Variants in CDC14B observed in about 807,000 individuals in gnomAD.
The protein encoded by CDC14B is dual specificity protein phosphatase CDC14B.
A neutral mutation model predicts 64.2 loss-of-function variants in CDC14B; 22 were observed. The observed-to-expected ratio is 0.34, with a 90% CI of 0.24 to 0.49. The LOEUF (loss-of-function observed/expected upper bound fraction) is 0.49. CDC14B is among the 20% of genes least tolerant of loss of function. The pLI, the probability that CDC14B is intolerant of heterozygous loss-of-function variation, is 0.99. For missense variants in CDC14B, 498 were observed against 629.9 expected, an observed-to-expected ratio of 0.79 and a Z score of 2.24; for synonymous variants, 191 against 215.8, an observed-to-expected ratio of 0.89 and a Z score of 1.01.
chr9:96,512,414 G>A (rs964253583), intron 12 of CDC14B, among the ~76,000 whole-genome samples: 4 of 150,714 alleles, frequency 2.7e-5, no homozygotes, highest in Non-Finnish European at 5.9e-5. Flanking sequence ...TCAAATCCTG[G>A]GCTCAATTGA....
chr9:96,528,521 C>CA (rs573870920), intron 9 of CDC14B, among the ~76,000 whole-genome samples: 9,489 of 148,318 alleles, frequency 0.064, 953 homozygotes, highest in African/African-American at 0.22. Context: ...AAGTCCATCT[C>CA]AAAAAAAAGA....
intron 4 of CDC14B, among the ~76,000 whole-genome samples, chr9:96,554,346 A>C (rs1384619080): frequency 6.6e-6 from 1 of 152,082 alleles, no homozygotes; most frequent in Admixed American, 6.6e-5. Context: ...AATTATACAA[A>C]TTTTTCCTTA....
In CDC14B at chr9:96,584,200, A is replaced by G. The variant is rs1410807372; in HGVS notation, c.161-18717T>C. On this transcript the variant is annotated intron_variant, in intron 1 of 13. Coordinates refer to ENST00000375241, the MANE Select transcript of CDC14B (RefSeq NM_033331.4). ...CTAATAAATATGCATTGAATGAACG[A>G]CTGTTGAGTGGCAGACTTTTTCATC... Among the ~76,000 whole-genome samples the G allele has an allele frequency of 5.3e-5, 8 of 152,220 alleles. No individual in the cohort carries two copies. The South Asian group carries it at 1.7e-3, about 32-fold the overall frequency.
intron 1 of CDC14B, among the ~76,000 whole-genome samples, chr9:96,580,650 C>T (rs1186936370): frequency 6.6e-6 from 1 of 152,096 alleles, no homozygotes; most frequent in Non-Finnish European, 1.5e-5. Flanking sequence ...CTATTGAAAT[C>T]GACCCGAGAG....
intron 1 of CDC14B, among the ~76,000 whole-genome samples, chr9:96,578,782 G>C (rs939342927): frequency 2.0e-5 from 3 of 152,154 alleles, no homozygotes; most frequent in African/African-American, 7.2e-5. Context: ...TCCCAATAAA[G>C]TCTGCAGTAT....
intron 12 of CDC14B, among the ~76,000 whole-genome samples, chr9:96,512,271 C>G (rs1835006074): frequency 1.3e-5 from 2 of 149,658 alleles, no homozygotes; most frequent in Non-Finnish European, 3.0e-5. Flanking sequence ...CAACTATTAC[C>G]CTGGCTTGTG....
At chr9:96,578,887 C>T (rs1463100398) in intron 1 of CDC14B, among the ~76,000 whole-genome samples, 6 of 152,212 alleles carry the variant, frequency 3.9e-5, no homozygotes, top group Non-Finnish European at 8.8e-5. Context: ...GCCGCGATCT[C>T]GGCTCACTGC....
chr9:96,515,749 T>C lies in CDC14B; in HGVS notation c.1344-5960A>G. 1.2e-6 allele frequency: 2 copies of C among 1,606,422 alleles called. No homozygotes were observed. The highest frequency in any genetic ancestry group is 1.7e-6 in the Non-Finnish European group (2 of 1,177,040). ...ATGTAGTCACAAACAATCCACCAGA[T>C]GACAACACTACACAGTGCAGAGGTC... On this transcript the variant is annotated intron_variant, in intron 12 of 13. Transcript: ENST00000375241. This position sits in a 1 kb window ranked among gnomAD's most constrained non-coding sequence, Gnocchi z 4.3.
chr9:96,612,201 A>T (rs1336303213), intron 1 of CDC14B, among the ~76,000 whole-genome samples: 1 of 152,212 alleles, frequency 6.6e-6, no homozygotes, highest in East Asian at 1.9e-4. Context: ...CATCTGGAGC[A>T]TTTCTGCCCT....
At chr9:96,593,435 T>C (rs1845893575) in intron 1 of CDC14B, among the ~76,000 whole-genome samples, 1 of 143,130 alleles carries the variant, frequency 7.0e-6, no homozygotes, top group Non-Finnish European at 1.5e-5. Context: ...TGCAGTGAGC[T>C]GAGATGGCAC....
At chr9:96,550,052 G>C (rs948058704) in intron 5 of CDC14B, among the ~76,000 whole-genome samples, 2 of 146,874 alleles carry the variant, frequency 1.4e-5, no homozygotes, top group African/African-American at 5.5e-5. Context: ...ATAAAGAAGA[G>C]TTCTATAGAA....
chr9:96,614,110 A>G (rs1479606188), intron 1 of CDC14B, among the ~76,000 whole-genome samples: 1 of 152,198 alleles, frequency 6.6e-6, no homozygotes, highest in African/African-American at 2.4e-5. Context: ...ACAGTCTTTA[A>G]AAGTTAGATC....
At chr9:96,523,787 G>C in intron 9 of CDC14B, 62 bp from the exon 10 acceptor site, 1 of 1,561,508 alleles carries the variant, frequency 6.4e-7, no homozygotes, top group Non-Finnish European at 8.7e-7. Context: ...ATTTTGTTGG[G>C]CAGGCAGAAT....
intron 1 of CDC14B, among the ~76,000 whole-genome samples, chr9:96,576,404 G>T (rs139000223): frequency 0.048 from 7,228 of 152,122 alleles, 582 homozygotes; most frequent in African/African-American, 0.16. Flanking sequence ...GCTGAGGCAG[G>T]TGGATCACTT....
chr9:96,619,285 G>A lies in CDC14B; in HGVS notation c.94C>T (p.Arg32Cys), dbSNP rs1847834931. The stretch of plus-strand genomic sequence containing the variant: ...CGCGGGTCTTGCTGCGTGGAGCTGC[G>A]GATCTTCTTCACACCCGGCGAGGTC... ...SSTSPGVKKI[R>C]SSTQQDPRRR... Residue 32 changes from arginine to cysteine, a missense_variant, in exon 1 of 14, where the codon CGC becomes TGC. Physicochemically the swap from Arg to Cys is radical, Grantham distance 180 (BLOSUM62 -3). Transcript: ENST00000375241. 7.4e-7 allele frequency: 1 copy of A among 1,351,888 alleles called. No homozygotes were observed. Among genetic ancestry groups the A allele is most frequent in the Non-Finnish European group, 9.5e-7 (1 of 1,047,278 alleles). 83.7% of individuals were successfully genotyped at this position (1,351,888 alleles called of 1,614,324 possible).
chr9:96,534,722 G>A (rs190483757), intron 7 of CDC14B, among the ~76,000 whole-genome samples, 180 bp from the exon 8 acceptor site: 12 of 152,298 alleles, frequency 7.9e-5, no homozygotes, highest in East Asian at 5.8e-4. Context: ...GGGAATGGAC[G>A]TATATCCTGT....
At chr9:96,615,274 G>A (rs1847554226) in intron 1 of CDC14B, among the ~76,000 whole-genome samples, 1 of 152,160 alleles carries the variant, frequency 6.6e-6, no homozygotes, top group African/African-American at 2.4e-5. Context: ...GGATGGGGTT[G>A]GAATGAGAGT....
At chr9:96,562,428 G>A (rs1587979738) in intron 4 of CDC14B, 1 of 393,828 alleles carries the variant, frequency 2.5e-6, no homozygotes, top group Non-Finnish European at 4.6e-6. Flanking sequence ...AAAGTAGTTG[G>A]GCACTTTTTA....
intron 4 of CDC14B, 111 bp from the exon 5 acceptor site, chr9:96,551,983 G>C: frequency 1.5e-6 from 2 of 1,368,176 alleles, no homozygotes; most frequent in Non-Finnish European, 1.9e-6. Context: ...GGGTTCTCCA[G>C]CCTTCCCCAG....
Sources: gnomAD v4.1 joint callset for allele counts (sites outside exome capture counted in the v4.1 genomes callset) on GRCh38, gnomAD v4.1.1 for gene constraint, Gnocchi (gnomAD v3.1) non-coding constraint, MANE v1.5 for transcripts, NCBI Gene and HGNC (gene_info 2026-07-23, HGNC 2026-07-21) for gene names.